Variants in PAAF1 observed in about 807,000 individuals in gnomAD.
PAAF1 encodes proteasomal ATPase associated factor 1.
In PAAF1, 46 loss-of-function variants were observed where a neutral mutation model predicts 52.8. The ratio of observed to expected loss-of-function variants is 0.87; its 90% CI spans 0.69 to 1.11. The LOEUF (loss-of-function observed/expected upper bound fraction) is 1.11, where lower values mean the gene tolerates loss of function less well. Among genes scored for constraint, PAAF1 ranks in the 50% most tolerant of loss-of-function variants. The pLI is 0.00. For synonymous variants in PAAF1, 178 were observed against 172.8 expected (o/e 1.03, Z -0.24); for missense variants, 424 against 477.4 (o/e 0.89, Z 1.04).
intron 1 of PAAF1, among the ~76,000 whole-genome samples, chr11:73,877,822 G>A (rs1173987517): frequency 6.6e-6 from 1 of 152,160 alleles, no homozygotes; most frequent in Non-Finnish European, 1.5e-5. Context: ...GGAGGTGGAG[G>A]TTGCAGTGAG....
At chr11:73,883,675 C>T (rs12808007) in intron 2 of PAAF1, among the ~76,000 whole-genome samples, 8,642 of 152,060 alleles carry the variant, frequency 0.057, 274 homozygotes, top group Middle Eastern at 0.11. Context: ...TGCCACCACA[C>T]CCGGGTAATT....
chr11:73,903,366 G>T (rs1052544716), intron 6 of PAAF1, among the ~76,000 whole-genome samples: 1 of 152,158 alleles, frequency 6.6e-6, no homozygotes, highest in Non-Finnish European at 1.5e-5. Flanking sequence ...TAGATTGACC[G>T]ATCATCACTG....
Position 73,923,413 on chromosome 11 carries a change from A to T in PAAF1, c.1019-1202A>T, listed in dbSNP as rs556643525. ...CAACCATGTAAAATAGGCACAAAAA[A>T]ATAGATCAAAATGTTAACAGTAATT... is the stretch of plus-strand genomic sequence containing the variant. On this transcript the variant is annotated intron_variant, in intron 10 of 11. Transcript: ENST00000310571. 3.9e-5 allele frequency among the ~76,000 whole-genome samples: 6 copies of T among 152,296 alleles called. No individual in the cohort carries two copies. The South Asian group carries it at 1.2e-3, about 32-fold the overall frequency.
rs533255755 is a variant in PAAF1 at position 73,928,395 on chromosome 11, T to G, written c.*1033T>G. 6.6e-6 allele frequency: 1 copy of G among 152,314 alleles called. No individual in the cohort carries two copies. The highest frequency in any genetic ancestry group is 6.5e-5 in the Admixed American group (1 of 15,298). 9.4% of individuals were successfully genotyped at this position (152,314 alleles called of 1,614,324 possible). On this transcript the variant is annotated 3_prime_UTR_variant, in exon 12 of 12. Transcript: ENST00000310571. Reference sequence around the variant, plus strand: ...AGCTCAGACTTTACGTGGTTGGCAGTGGGGAACCACTGAAGGGTTTTAAGC... The same window carrying G: ...AGCTCAGACTTTACGTGGTTGGCAGGGGGGAACCACTGAAGGGTTTTAAGC...
intron 5 of PAAF1, among the ~76,000 whole-genome samples, chr11:73,899,913 G>C (rs985750508): frequency 2.0e-5 from 3 of 151,994 alleles, no homozygotes; most frequent in Non-Finnish European, 4.4e-5. Context: ...CCTTTACAAA[G>C]GATTTTAAAC....
At chr11:73,913,286 A>T (rs1949981204) in intron 7 of PAAF1, among the ~76,000 whole-genome samples, 1 of 152,114 alleles carries the variant, frequency 6.6e-6, no homozygotes, top group Non-Finnish European at 1.5e-5. Flanking sequence ...AGTGACTTCC[A>T]CAGAGGCTTT....
chr11:73,897,474 G>A (rs1322186976), intron 4 of PAAF1, among the ~76,000 whole-genome samples: 18 of 151,592 alleles, frequency 1.2e-4, no homozygotes, highest in Non-Finnish European at 2.1e-4. Context: ...CAGACGGGGC[G>A]GCCGGGCAGA....
chr11:73,917,776 C>T (rs1185936677), intron 9 of PAAF1, among the ~76,000 whole-genome samples: 1 of 151,408 alleles, frequency 6.6e-6, no homozygotes, highest in African/African-American at 2.4e-5. Flanking sequence ...GGGGCTGAGG[C>T]AGGAGGATCG....
At chr11:73,896,552 C>T (rs1245451065) in intron 4 of PAAF1, among the ~76,000 whole-genome samples, 1 of 151,110 alleles carries the variant, frequency 6.6e-6, no homozygotes, top group African/African-American at 2.4e-5. Context: ...CATCTTGCAC[C>T]GCCCTTAATC....
At chr11:73,899,370 C>G (rs1301055022) in intron 5 of PAAF1, 126 bp downstream of exon 5, 4 of 517,896 alleles carry the variant, frequency 7.7e-6, no homozygotes, top group Admixed American at 3.4e-5. Flanking sequence ...GTCAGTTGAT[C>G]TCTTTTCTCC....
intron 4 of PAAF1, among the ~76,000 whole-genome samples, chr11:73,897,178 G>A (rs1305655924): frequency 6.2e-5 from 9 of 144,562 alleles, no homozygotes; most frequent in African/African-American, 1.8e-4. Context: ...CTGGCCGTGC[G>A]GGGGGCTGAC....
At chr11:73,883,364 A>G (rs967834538) in intron 2 of PAAF1, among the ~76,000 whole-genome samples, 1 of 152,176 alleles carries the variant, frequency 6.6e-6, no homozygotes, top group Non-Finnish European at 1.5e-5. Flanking sequence ...AAAACAGTCT[A>G]TACCCATTAA....
chr11:73,923,910 A>C (rs1336854097), intron 10 of PAAF1, among the ~76,000 whole-genome samples: 1 of 151,966 alleles, frequency 6.6e-6, no homozygotes, highest in Non-Finnish European at 1.5e-5. Flanking sequence ...GGAACATTTT[A>C]ATAGGGAATA....
intron 2 of PAAF1, among the ~76,000 whole-genome samples, chr11:73,884,891 G>A (rs1408807152): frequency 2.1e-5 from 3 of 144,764 alleles, no homozygotes; most frequent in Non-Finnish European, 4.5e-5. Flanking sequence ...ACGGAGTCTC[G>A]CTCTGTCGCC....
In PAAF1 at chr11:73,918,977, A is replaced by G; in HGVS notation, c.963A>G (p.Ser321=). The G allele has an allele frequency of 6.2e-7, 1 of 1,613,996 alleles. No individual in the cohort carries two copies. Among genetic ancestry groups the G allele is most frequent in the Non-Finnish European group, 8.5e-7 (1 of 1,179,976 alleles). ...CTCCGGTACAAGTCATCCACAGATC[A>G]GGAGCACCAGTTCTATCCCTGCTAA... ...PRAPVQVIHR[S]GAPVLSLLSV... The change falls in exon 10 of 12, where the codon TCA becomes TCG. Residue 321 remains serine (S), a synonymous_variant. Coordinates refer to ENST00000310571, the MANE Select transcript of PAAF1 (RefSeq NM_025155.3).
intron 3 of PAAF1, chr11:73,889,194 T>C (rs1949138545): frequency 1.3e-6 from 2 of 1,505,250 alleles, no homozygotes. Context: ...TCTTTATCAC[T>C]TCAAACATGA....
chr11:73,917,735 G>C (rs1466336496), intron 9 of PAAF1, among the ~76,000 whole-genome samples: 1 of 152,204 alleles, frequency 6.6e-6, no homozygotes, highest in Non-Finnish European at 1.5e-5. Context: ...AGCTGGGCAT[G>C]GTGGCACGTA....
chr11:73,883,612 G>T (rs1197579913), intron 2 of PAAF1, among the ~76,000 whole-genome samples: 1 of 151,894 alleles, frequency 6.6e-6, no homozygotes, highest in Non-Finnish European at 1.5e-5. Context: ...CACCTCCCAG[G>T]TTCAAGTGAT....
chr11:73,905,936 A>G (rs1949741592), intron 6 of PAAF1, among the ~76,000 whole-genome samples: 1 of 152,220 alleles, frequency 6.6e-6, no homozygotes, highest in Non-Finnish European at 1.5e-5. Flanking sequence ...TGATTGCTTA[A>G]TAAGAGCTGA....
Sources: gnomAD v4.1 joint callset for allele counts (sites outside exome capture counted in the v4.1 genomes callset) on GRCh38, gnomAD v4.1.1 for gene constraint, MANE v1.5 for transcripts, NCBI Gene and HGNC (gene_info 2026-07-23, HGNC 2026-07-21) for gene names.